DCAF8: variants seen among roughly 807,000 people sequenced by gnomAD.
DCAF8 encodes the protein DDB1- and CUL4-associated factor 8.
A neutral mutation model predicts 68.0 loss-of-function variants in DCAF8; 20 were observed. The observed-to-expected ratio is 0.29, with a 90% confidence interval of 0.21 to 0.43. The LOEUF is 0.43. DCAF8 is among the 20% of genes least tolerant of loss of function. The pLI, the probability that DCAF8 is intolerant of heterozygous loss-of-function variation, is 1.00. For missense variants in DCAF8, 460 were observed against 771.0 expected, an observed-to-expected ratio of 0.60 and a Z score of 4.78; for synonymous variants, 230 against 276.9, an observed-to-expected ratio of 0.83 and a Z score of 1.68.
intron 11 of DCAF8, chr1:160,220,465 T>C (rs1655259601): frequency 6.6e-6 from 1 of 152,192 alleles, no homozygotes; most frequent in African/African-American, 2.4e-5. Context: ...GTACCTGAAT[T>C]GGAGCCTGCG....
intron 3 of DCAF8, among the ~76,000 whole-genome samples, chr1:160,241,550 C>A (rs183425907): frequency 6.6e-6 from 1 of 152,204 alleles, no homozygotes; most frequent in South Asian, 2.1e-4. Flanking sequence ...TCTTAACTCA[C>A]AACAGTCAAG....
At chr1:160,258,956 A>G (rs1445657205) in intron 2 of DCAF8, among the ~76,000 whole-genome samples, 1 of 152,158 alleles carries the variant, frequency 6.6e-6, no homozygotes, top group African/African-American at 2.4e-5. Context: ...CAGAGTTCAT[A>G]AAAACACAAA....
chr1:160,238,721 A>C lies in DCAF8; in HGVS notation c.750T>G (p.Asp250Glu). The C allele has an allele frequency of 6.2e-7, 1 of 1,612,778 alleles. No homozygotes were observed. Among genetic ancestry groups the C allele is most frequent in the Non-Finnish European group, 8.5e-7 (1 of 1,179,484 alleles). ...CACGGGCACACATGGCCAGAGTAGA[A>C]TCACCACTGTTAGGAAGAAACTTGG... The part of the protein sequence containing the change: ...FQAKFLPNSG[D>E]STLAMCARDG... Residue 250 changes from aspartate (D) to glutamate (E), a missense_variant, in exon 5 of 14, where the codon GAT (aspartate) becomes GAG (glutamate). Around this residue, in one of 8 missense-constraint regions of DCAF8, gnomAD observed 170 missense variants for 318.2 expected, o/e 0.53. Coordinates refer to ENST00000368074, the MANE Select transcript of DCAF8 (RefSeq NM_015726.4).
At chr1:160,231,141 CAA>C (rs1571087312) in intron 7 of DCAF8, among the ~76,000 whole-genome samples, 154 bp downstream of exon 7, 1 of 152,116 alleles carries the variant, frequency 6.6e-6, no homozygotes, top group East Asian at 1.9e-4. Context: ...AGAACATCTC[CAA>C]AGGCGTGTAA....
At chr1:160,254,853 G>A (rs915476081) in intron 2 of DCAF8, among the ~76,000 whole-genome samples, 1 of 152,074 alleles carries the variant, frequency 6.6e-6, no homozygotes, top group Non-Finnish European at 1.5e-5. Flanking sequence ...GAAAGAAAAG[G>A]GCTTTGGTGT....
At chr1:160,246,480 C>T (rs1557839315) in intron 2 of DCAF8, among the ~76,000 whole-genome samples, 1 of 152,174 alleles carries the variant, frequency 6.6e-6, no homozygotes, top group African/African-American at 2.4e-5. Context: ...GATTATGAAC[C>T]TATATGAGTG....
At chr1:160,245,111 T>TAATG (rs377579019) in intron 2 of DCAF8, among the ~76,000 whole-genome samples, 7 of 152,160 alleles carry the variant, frequency 4.6e-5, no homozygotes, top group African/African-American at 1.7e-4. Context: ...CCATTTCATA[T>TAATG]AATGGCAAAC....
intron 7 of DCAF8, among the ~76,000 whole-genome samples, chr1:160,229,194 G>A (rs1655584445): frequency 6.6e-6 from 1 of 152,136 alleles, no homozygotes; most frequent in Non-Finnish European, 1.5e-5. Flanking sequence ...TACTTGGGAG[G>A]CTGAGGCATG....
intron 3 of DCAF8, among the ~76,000 whole-genome samples, chr1:160,243,576 T>C (rs1656207083): frequency 6.6e-6 from 1 of 152,080 alleles, no homozygotes; most frequent in South Asian, 2.1e-4. Flanking sequence ...CTACTTACTG[T>C]GGAAAGGGAC....
At position 160,217,664 on chromosome 1, in the gene DCAF8, A is replaced by G; in HGVS notation, c.1722T>C (p.Asp574=). Residue 574 remains aspartate (D), a synonymous_variant, in exon 14 of 14, where the codon GAT becomes GAC. Transcript: ENST00000368074. ...PGVGATDADS[D]ESPSSSDTSD... ...ATGTGTCTGAGGAGCTGGGAGACTC[A>G]TCAGAGTCCGCGTCTGTGGCCCCAA... 1 of 1,614,164 alleles carries G rather than the reference A, an allele frequency of 6.2e-7. No individual in the cohort carries two copies. The highest frequency in any genetic ancestry group is 8.5e-7 in the Non-Finnish European group (1 of 1,180,026).
At position 160,262,516 on chromosome 1, in the gene DCAF8, CG is replaced by C. The variant is rs1657151341; in HGVS notation, c.-169del. 2.5e-6 allele frequency: 1 copy of C among 399,282 alleles called. No individual in the cohort carries two copies. The highest frequency in any genetic ancestry group is 4.4e-5 in the Admixed American group (1 of 22,712). 24.7% of individuals were successfully genotyped at this position (399,282 alleles called of 1,614,324 possible). A position where few individuals can be genotyped will look rare whatever the true frequency, so the allele number is the denominator to read the frequency against. Reference sequence around the variant, plus strand: ...CTTGCGCCTGCGCTGCCACGCTTTCCGGCCCCGTTTGCGACGATGTGCTCGA... The same window carrying C: ...CTTGCGCCTGCGCTGCCACGCTTTCCGCCCCGTTTGCGACGATGTGCTCGA... On this transcript the variant is annotated 5_prime_UTR_variant, in exon 1 of 14. Coordinates refer to ENST00000368074, the MANE Select transcript of DCAF8 (RefSeq NM_015726.4).
chr1:160,222,621 G>T, intron 11 of DCAF8, 30 bp downstream of exon 11: 1 of 1,612,222 alleles, frequency 6.2e-7, no homozygotes, highest in Non-Finnish European at 8.5e-7. Context: ...AGAGATTAGG[G>T]AGCCAGCCAG....
chr1:160,254,678 G>A (rs1352065181), intron 2 of DCAF8, among the ~76,000 whole-genome samples: 1 of 152,076 alleles, frequency 6.6e-6, no homozygotes, highest in Non-Finnish European at 1.5e-5. Context: ...TGTAGTCTTA[G>A]CTACTCGGAG....
Position 160,225,102 on chromosome 1 carries a change from T to C in DCAF8, c.1161A>G (p.Lys387=). 1 of 1,614,150 alleles carries C rather than the reference T, an allele frequency of 6.2e-7. No individual in the cohort carries two copies. Among genetic ancestry groups the C allele is most frequent in the Non-Finnish European group, 8.5e-7 (1 of 1,180,016 alleles). ...TGTACACAAGACAGGTGATGTTTGC[T>C]TTGGACTCACTGTTCACCTGCAATA... ...CPHHLVNSES[K]ANITCLVYSH... The change falls in exon 9 of 14, where the codon AAA becomes AAG. Residue 387 remains lysine (K), a synonymous_variant. Transcript: ENST00000368074.
chr1:160,238,430 C>T (rs962564751), intron 5 of DCAF8, among the ~76,000 whole-genome samples, 177 bp downstream of exon 5: 2 of 152,170 alleles, frequency 1.3e-5, no homozygotes, highest in African/African-American at 4.8e-5. Flanking sequence ...TACTTGCCTT[C>T]CTAGGAGTTT....
chr1:160,248,892 T>C (rs1232432423), intron 2 of DCAF8, among the ~76,000 whole-genome samples: 1 of 143,102 alleles, frequency 7.0e-6, no homozygotes, highest in Non-Finnish European at 1.5e-5. Context: ...AGTGACACCA[T>C]CTCAAAAAAA....
intron 2 of DCAF8, among the ~76,000 whole-genome samples, chr1:160,249,520 AAG>A (rs34616491): frequency 1.3e-3 from 191 of 152,136 alleles, no homozygotes; most frequent in Middle Eastern, 3.4e-3. Flanking sequence ...TACAAGAAAA[AAG>A]AGGCTCAGAC....
intron 2 of DCAF8, among the ~76,000 whole-genome samples, chr1:160,259,540 A>AAAC (rs1490380906): frequency 1.3e-5 from 2 of 151,614 alleles, no homozygotes; most frequent in Non-Finnish European, 2.9e-5. Context: ...AAAAACAAAC[A>AAAC]AACAAACAAA....
intron 7 of DCAF8, among the ~76,000 whole-genome samples, chr1:160,227,882 A>G (rs567409375): frequency 6.6e-6 from 1 of 152,072 alleles, no homozygotes; most frequent in East Asian, 1.9e-4. Flanking sequence ...GGCCCTTGAT[A>G]GTTTATATTT....
Sources: allele counts gnomAD v4.1 joint callset (sites outside exome capture counted in the v4.1 genomes callset), GRCh38; gene constraint gnomAD v4.1.1; regional missense constraint gnomAD v4.1.1; transcripts MANE v1.5; gene names NCBI Gene and HGNC (gene_info 2026-07-23, HGNC 2026-07-21).